Variants in CCDC3 observed in about 807,000 individuals in gnomAD.
The protein encoded by CCDC3 is coiled-coil domain containing 3.
In CCDC3, 24 loss-of-function variants were observed where a neutral mutation model predicts 21.4. The observed-to-expected ratio is 1.12, with a 90% CI of 0.81 to 1.58. The LOEUF (loss-of-function observed/expected upper bound fraction) is 1.58, where lower values mean the gene tolerates loss of function less well. Among genes scored for constraint, CCDC3 ranks in the 40% most tolerant of loss-of-function variants. The pLI is 0.00. For missense variants in CCDC3, 425 were observed against 360.9 expected (o/e 1.18, Z -1.44); for synonymous variants, 186 against 166.0 (o/e 1.12, Z -0.93).
chr10:13,029,711 C>T (rs1421467528), intron 5 of CCDC3, among the ~76,000 whole-genome samples: 4 of 151,946 alleles, frequency 2.6e-5, no homozygotes, highest in East Asian at 3.9e-4. Context: ...CTTCAGCAGC[C>T]GATTTGATCA....
intron 2 of CCDC3, among the ~76,000 whole-genome samples, chr10:12,942,464 G>C (rs916729101): frequency 1.3e-5 from 2 of 152,182 alleles, no homozygotes; most frequent in African/African-American, 4.8e-5. Context: ...TACAGACATA[G>C]AAAAGCAAGC....
chr10:12,988,450 G>A (rs899959538), intron 2 of CCDC3, among the ~76,000 whole-genome samples: 14 of 152,036 alleles, frequency 9.2e-5, no homozygotes, highest in South Asian at 4.2e-4. Flanking sequence ...AGGTCTAAGC[G>A]ATTCTGCCTC....
intron 2 of CCDC3, among the ~76,000 whole-genome samples, chr10:12,901,884 C>G (rs7097184): frequency 0.37 from 55,993 of 152,112 alleles, 10,724 homozygotes; most frequent in Admixed American, 0.46. Flanking sequence ...TCAGCGCTTT[C>G]TCATCCCAGA....
At chr10:13,083,126 C>T (rs1274685219) in intron 3 of CCDC3, among the ~76,000 whole-genome samples, 1 of 152,034 alleles carries the variant, frequency 6.6e-6, no homozygotes, top group Non-Finnish European at 1.5e-5. Flanking sequence ...CAGGCACTTC[C>T]AAGAGCTGAC....
At position 13,001,426 on chromosome 10, in the gene CCDC3, G is replaced by A. The variant is rs780875031; in HGVS notation, c.145C>T (p.Leu49=). The A allele has an allele frequency of 2.0e-6, 3 of 1,536,468 alleles. No individual in the cohort carries two copies. The highest frequency in any genetic ancestry group is 4.8e-5 in the East Asian group (2 of 41,520). ...LAETIVYARV[L]ALHPEAPGLY... ...CCGGGCGCCTCGGGGTGCAGCGCCA[G>A]CACCCTGGCGTACACGATGGTCTCG... The change falls in exon 1 of 3, where the codon CTG becomes TTG. Residue 49 remains leucine (L), a synonymous_variant. Transcript: ENST00000378825.
intron 4 of CCDC3, among the ~76,000 whole-genome samples, chr10:13,069,444 T>A (rs1225163368): frequency 1.3e-5 from 2 of 152,240 alleles, no homozygotes; most frequent in African/African-American, 2.4e-5. Context: ...TTTGCTTTTT[T>A]AAAATTTCTG....
intron 4 of CCDC3, among the ~76,000 whole-genome samples, chr10:13,058,889 C>G (rs1378557493): frequency 6.6e-6 from 1 of 152,210 alleles, no homozygotes; most frequent in African/African-American, 2.4e-5. Flanking sequence ...CATTCATACA[C>G]TACGGCGCAT....
intron 2 of CCDC3, among the ~76,000 whole-genome samples, chr10:12,915,651 T>G (rs1455323450): frequency 1.3e-5 from 2 of 152,220 alleles, no homozygotes; most frequent in East Asian, 3.8e-4. Flanking sequence ...CCAGAGATTC[T>G]GGGCAGGCTG....
At position 13,094,797 on chromosome 10, in the gene CCDC3, G is replaced by A. The variant is rs142766905; in HGVS notation, c.-503+3728C>T. ...GAGAATTGCTTGAGCCCAGGAGTTC[G>A]AGGCTGCAGTGAGCCACGACTATGC... On this transcript the variant is annotated intron_variant, in intron 3 of 6. Transcript: ENST00000378839. Among the ~76,000 whole-genome samples, 1,435 of 152,058 alleles carry A rather than the reference G, an allele frequency of 9.4e-3. 15 individuals are homozygous for A. The highest frequency in any genetic ancestry group is 0.02 in the Middle Eastern group (6 of 294).
intron 5 of CCDC3, among the ~76,000 whole-genome samples, chr10:13,019,364 C>T (rs1183622403): frequency 1.3e-5 from 2 of 152,208 alleles, no homozygotes; most frequent in Non-Finnish European, 2.9e-5. Flanking sequence ...AAAATTTCAG[C>T]CCTTTTTTAG....
chr10:12,923,300 C>T (rs181176873), intron 2 of CCDC3, among the ~76,000 whole-genome samples: 14 of 152,314 alleles, frequency 9.2e-5, no homozygotes, highest in African/African-American at 1.2e-4. Context: ...ATGAGATAGA[C>T]GGTCCTCCCT....
chr10:13,069,054 G>A (rs964622666), intron 4 of CCDC3, among the ~76,000 whole-genome samples: 4 of 152,170 alleles, frequency 2.6e-5, no homozygotes, highest in Non-Finnish European at 4.4e-5. Flanking sequence ...TCGGGAGTTC[G>A]AGACCAGCCT....
At chr10:13,002,383 GTT>G (rs1835870394), upstream of CCDC3, among the ~76,000 whole-genome samples, 1 of 152,042 alleles carries the variant, frequency 6.6e-6, no homozygotes, top group Admixed American at 6.6e-5. Context: ...CAGGTTTTTT[GTT>G]TTGTTTTTTG....
intron 5 of CCDC3, among the ~76,000 whole-genome samples, chr10:13,015,450 A>G (rs1216117132): frequency 6.6e-6 from 1 of 151,992 alleles, no homozygotes; most frequent in East Asian, 1.9e-4. Flanking sequence ...TGACGATGGG[A>G]GAGCTGCCAG....
chr10:13,008,875 C>T (rs1420645921), intron 5 of CCDC3, among the ~76,000 whole-genome samples: 3 of 152,122 alleles, frequency 2.0e-5, no homozygotes. Context: ...AGATCAGAAA[C>T]AAGACAAGGA....
At position 12,983,697 on chromosome 10, in the gene CCDC3, T is replaced by C. The variant is rs566718580; in HGVS notation, c.549+14641A>G. Among the ~76,000 whole-genome samples the C allele has an allele frequency of 1.4e-4, 20 of 148,094 alleles. No homozygotes were observed. The South Asian group carries it at 4.3e-3, about 32-fold the overall frequency. ...AAAAAAAAAAAATGGGCAAAAGATATGAACATTTTACCAAAGAGGCCGGAC... is the reference window on the plus strand; with the variant it reads ...AAAAAAAAAAAATGGGCAAAAGATACGAACATTTTACCAAAGAGGCCGGAC... On this transcript the variant is annotated intron_variant, in intron 2 of 2. Coordinates refer to ENST00000378825, the MANE Select transcript of CCDC3 (RefSeq NM_031455.4).
chr10:13,063,403 A>G (rs1836785271), intron 4 of CCDC3, among the ~76,000 whole-genome samples: 1 of 152,332 alleles, frequency 6.6e-6, no homozygotes, highest in African/African-American at 2.4e-5. Flanking sequence ...CATGAAACTG[A>G]AACTGTCATG....
intron 2 of CCDC3, among the ~76,000 whole-genome samples, chr10:12,991,844 A>C (rs1357810657): frequency 6.6e-6 from 1 of 152,190 alleles, no homozygotes; most frequent in African/African-American, 2.4e-5. Flanking sequence ...AAAGGGCTGA[A>C]TCATGGAGCT....
intron 2 of CCDC3, among the ~76,000 whole-genome samples, chr10:12,983,130 GTATATATATATATATATATATATA>G (rs57120940): frequency 3.4e-5 from 1 of 29,070 alleles, no homozygotes; most frequent in Non-Finnish European, 6.2e-5. Context: ...ATAAAATAGT[GTATATATATATATATATATATATA>G]TATATATATA....
Sources: gnomAD v4.1 joint callset for allele counts (sites outside exome capture counted in the v4.1 genomes callset) on GRCh38, gnomAD v4.1.1 for gene constraint, MANE v1.5 for transcripts, NCBI Gene and HGNC (gene_info 2026-07-23, HGNC 2026-07-21) for gene names.